Variants in VWA8 observed in about 807,000 individuals in gnomAD.
The protein encoded by VWA8 is von Willebrand factor A domain-containing protein 8.
A neutral mutation model predicts 241.5 loss-of-function variants in VWA8; 221 were observed. The ratio of observed to expected loss-of-function variants is 0.91; its 90% CI spans 0.82 to 1.02. The LOEUF (loss-of-function observed/expected upper bound fraction) is 1.02. VWA8 is among the 50% of genes least tolerant of loss of function. The probability of loss-of-function intolerance (pLI) is 0.00; values close to 1 mark genes in which losing one functional copy is unlikely to be tolerated. For missense variants in VWA8, 2,322 were observed against 2,328.7 expected (o/e 1.00, Z 0.06); for synonymous variants, 852 against 827.1 (o/e 1.03, Z -0.52).
At chr13:41,573,524 C>T (rs866012946) in intron 43 of VWA8, among the ~76,000 whole-genome samples, 45 of 119,450 alleles carry the variant, frequency 3.8e-4, no homozygotes, top group African/African-American at 1.2e-3. Flanking sequence ...TCTATATATA[C>T]GTGTATATAT....
intron 2 of VWA8, among the ~76,000 whole-genome samples, chr13:41,945,755 A>T (rs1256665304): frequency 6.6e-6 from 1 of 152,160 alleles, no homozygotes; most frequent in Non-Finnish European, 1.5e-5. Context: ...AGAAAAATGA[A>T]CTGAGTCTCA....
chr13:41,857,111 G>A (rs767846249), intron 12 of VWA8, among the ~76,000 whole-genome samples: 8 of 152,026 alleles, frequency 5.3e-5, no homozygotes, highest in East Asian at 3.9e-4. Context: ...TGGAAAATAC[G>A]GATAACAAAG....
intron 37 of VWA8, among the ~76,000 whole-genome samples, chr13:41,617,068 G>A (rs776694373): frequency 5.3e-5 from 8 of 151,838 alleles, no homozygotes; most frequent in Non-Finnish European, 1.2e-4. Context: ...TATGATTACA[G>A]TCTAAATTTT....
intron 18 of VWA8, among the ~76,000 whole-genome samples, chr13:41,784,681 TATACA>T (rs2137938349): frequency 1.5e-5 from 1 of 67,074 alleles, no homozygotes; most frequent in Admixed American, 1.7e-4. Context: ...TCTCTCTCTT[TATACA>T]TATACATATA....
rs1402389634 is a variant in VWA8 at position 41,587,523 on chromosome 13, C to T, written c.5260G>A (p.Glu1754Lys). ...MVMEAFENYE[E>K]KFQYDIVGHS... ...GTTCATGTCATTACCTGGAACTTCT[C>T]CTCATAGTTCTCGAAGGCTTCCATG... is the stretch of plus-strand genomic sequence containing the variant. The change falls in exon 42 of 45, where the codon GAG (glutamate) becomes AAG (lysine). Residue 1754 changes from glutamate (E) to lysine (K), a missense_variant. Transcript: ENST00000379310. 6.2e-7 allele frequency: 1 copy of T among 1,613,852 alleles called. No individual in the cohort carries two copies. The highest frequency in any genetic ancestry group is 8.5e-7 in the Non-Finnish European group (1 of 1,179,768).
rs764886833 is a variant in VWA8 at position 41,732,117 on chromosome 13, A to T, written c.2465T>A (p.Val822Asp). 6 of 1,613,368 alleles carry T rather than the reference A, an allele frequency of 3.7e-6. No homozygotes were observed. The African/African-American group carries it at 8.0e-5, about 22-fold the overall frequency. ...TTCATATACAATAAGTCCGTCTTTAACCGAAGGCTGAAGCGTAAGAGTTTG... is the reference window on the plus strand; with the variant it reads ...TTCATATACAATAAGTCCGTCTTTATCCGAAGGCTGAAGCGTAAGAGTTTG... ...TVQTLTLQPS[V>D]KDGLIVYEDS... Residue 822 changes from valine (V) to aspartate (D), a missense_variant, in exon 22 of 45, where the codon GTT becomes GAT. Val to Asp is a radical substitution (Grantham distance 152, BLOSUM62 -3). Coordinates refer to ENST00000379310, the MANE Select transcript of VWA8 (RefSeq NM_015058.2).
At chr13:41,882,819 G>C (rs71427496) in intron 9 of VWA8, among the ~76,000 whole-genome samples, 1 of 146,298 alleles carries the variant, frequency 6.8e-6, no homozygotes, top group Non-Finnish European at 1.5e-5. Flanking sequence ...GGAGACCGTG[G>C]GGAGAGGGAG....
intron 12 of VWA8, among the ~76,000 whole-genome samples, chr13:41,833,969 A>T (rs573848707): frequency 5.9e-5 from 9 of 152,288 alleles, no homozygotes; most frequent in African/African-American, 2.2e-4. Context: ...ACATGCAGAG[A>T]TGTTTATCAA....
intron 17 of VWA8, among the ~76,000 whole-genome samples, chr13:41,802,549 CCAGGCAGCA>C (rs1407258702): frequency 1.3e-5 from 2 of 152,212 alleles, no homozygotes; most frequent in African/African-American, 4.8e-5. Context: ...TTCCTCAACT[CCAGGCAGCA>C]CAGCTTGCAG....
At chr13:41,845,581 G>T (rs1448807423) in intron 12 of VWA8, among the ~76,000 whole-genome samples, 2 of 151,762 alleles carry the variant, frequency 1.3e-5, no homozygotes, top group African/African-American at 2.4e-5. Flanking sequence ...CACATCAATG[G>T]TGAATTGGAT....
At chr13:41,931,705 A>T (rs1482263478) in intron 2 of VWA8, among the ~76,000 whole-genome samples, 1 of 140,778 alleles carries the variant, frequency 7.1e-6, no homozygotes, top group Non-Finnish European at 1.6e-5. Context: ...TAAAAAATTA[A>T]AAAAAAAACT....
At chr13:41,897,190 G>A (rs1481642328) in intron 4 of VWA8, among the ~76,000 whole-genome samples, 2 of 151,566 alleles carry the variant, frequency 1.3e-5, no homozygotes, top group African/African-American at 4.8e-5. Flanking sequence ...CAAATATTGA[G>A]AACATACAAG....
intron 9 of VWA8, among the ~76,000 whole-genome samples, chr13:41,873,173 A>C (rs1011569654): frequency 1.3e-5 from 2 of 152,200 alleles, no homozygotes; most frequent in Non-Finnish European, 2.9e-5. Flanking sequence ...TCTGGGACAC[A>C]TTCAAAGCAG....
Position 41,567,996 on chromosome 13 carries a change from G to A in VWA8, c.*201C>T. ...CTAATCACTTCTAAACTCATCAGTG[G>A]AGTATCTTTCCATGTTTAAGTCTCC... On this transcript the variant is annotated 3_prime_UTR_variant, in exon 45 of 45. Coordinates refer to ENST00000379310, the MANE Select transcript of VWA8 (RefSeq NM_015058.2). 1.8e-6 allele frequency: 1 copy of A among 562,152 alleles called. No homozygotes were observed. The highest frequency in any genetic ancestry group is 3.1e-6 in the Non-Finnish European group (1 of 317,900). The allele number at this position is 562,152 out of a possible 1,614,324, so 34.8% of individuals were successfully genotyped here. A position where few individuals can be genotyped will look rare whatever the true frequency, so the allele number is the denominator to read the frequency against.
chr13:41,758,412 A>ACGCTAG (rs2045712883), intron 21 of VWA8, among the ~76,000 whole-genome samples: 3 of 82,520 alleles, frequency 3.6e-5, no homozygotes, highest in African/African-American at 1.2e-4. Context: ...ATATATATAT[A>ACGCTAG]TATATATATA....
intron 9 of VWA8, among the ~76,000 whole-genome samples, chr13:41,882,673 G>A (rs553475824): frequency 2.0e-5 from 3 of 152,190 alleles, no homozygotes; most frequent in Non-Finnish European, 4.4e-5. Context: ...GCGTGGCGTC[G>A]CGCGCCTGCA....
At chr13:41,902,148 G>A (rs1875483599) in intron 4 of VWA8, among the ~76,000 whole-genome samples, 1 of 151,486 alleles carries the variant, frequency 6.6e-6, no homozygotes, top group Non-Finnish European at 1.5e-5. Context: ...AATATAAAAA[G>A]GTAGAAAAAA....
At chr13:41,799,526 T>C (rs1869852573) in intron 17 of VWA8, among the ~76,000 whole-genome samples, 1 of 152,158 alleles carries the variant, frequency 6.6e-6, no homozygotes. Flanking sequence ...AAACATTTTT[T>C]AGTCTATGGG....
intron 37 of VWA8, among the ~76,000 whole-genome samples, chr13:41,634,383 T>C (rs2044744138): frequency 6.6e-6 from 1 of 152,202 alleles, no homozygotes; most frequent in Admixed American, 6.5e-5. Context: ...TCATGTGAGG[T>C]AGCTTAACAG....
Sources: allele counts gnomAD v4.1 joint callset (sites outside exome capture counted in the v4.1 genomes callset), GRCh38; gene constraint gnomAD v4.1.1; transcripts MANE v1.5; gene names NCBI Gene and HGNC (gene_info 2026-07-23, HGNC 2026-07-21).